The following ATP11C variants were observed in gnomAD, a reference collection of about 807,000 sequenced individuals.
ATP11C encodes phospholipid-transporting ATPase IG.
A neutral mutation model predicts 97.4 loss-of-function variants in ATP11C; 36 were observed. The ratio of observed to expected loss-of-function variants is 0.37; its 90% CI spans 0.28 to 0.49. The LOEUF is 0.49. Ranked by LOEUF, ATP11C falls within the 20% of genes least tolerant of loss-of-function variation. The probability of loss-of-function intolerance (pLI) is 0.98; values close to 1 mark genes in which losing one functional copy is unlikely to be tolerated. For synonymous variants in ATP11C, 275 were observed against 290.9 expected, an observed-to-expected ratio of 0.95 and a Z score of 0.56; for missense variants, 730 against 824.6, an observed-to-expected ratio of 0.89 and a Z score of 1.40.
At chrX:139,843,341 C>G (rs1169387251) in intron 1 of ATP11C, among the ~76,000 whole-genome samples, 1 of 111,819 alleles carries the variant, frequency 8.9e-6, no homozygotes, top group African/African-American at 3.3e-5. Flanking sequence ...AGATATGGCT[C>G]ACTCATTTGA....
intron 1 of ATP11C, among the ~76,000 whole-genome samples, chrX:139,839,225 G>A (rs1260994067): frequency 2.7e-5 from 3 of 111,622 alleles, no homozygotes; most frequent in Non-Finnish European, 5.7e-5. Flanking sequence ...CTAGGGGGAG[G>A]GGAGAATGCA....
chrX:139,807,499 T>C (rs1287311358), intron 5 of ATP11C, among the ~76,000 whole-genome samples: 2 of 111,220 alleles, frequency 1.8e-5, no homozygotes, highest in African/African-American at 3.3e-5. Flanking sequence ...TACCATTCTT[T>C]TACATACAAT....
chrX:139,902,963 A>C (rs769236771), intron 1 of ATP11C, among the ~76,000 whole-genome samples: 1 of 112,152 alleles, frequency 8.9e-6, no homozygotes, highest in Admixed American at 9.5e-5. Context: ...TCTCAGAGCA[A>C]GAGATAACAT....
chrX:139,876,227 G>C (rs1394257663), intron 1 of ATP11C, among the ~76,000 whole-genome samples: 1 of 111,561 alleles, frequency 9.0e-6, no homozygotes, highest in Non-Finnish European at 1.9e-5. Flanking sequence ...AGTGTCCATT[G>C]AAAGAAAATG....
intron 1 of ATP11C, among the ~76,000 whole-genome samples, chrX:139,915,543 G>A (rs187655972): frequency 9.1e-6 from 1 of 110,184 alleles, no homozygotes; most frequent in Admixed American, 9.8e-5. Flanking sequence ...GGTGGTGCAC[G>A]TCTGTAATCC....
chrX:139,918,478 G>T (rs2085192738), intron 1 of ATP11C, among the ~76,000 whole-genome samples: 1 of 105,005 alleles, frequency 9.5e-6, no homozygotes, highest in South Asian at 4.4e-4. Context: ...TGGGCATAGT[G>T]GTGGGTAACT....
chrX:139,871,932 A>G (rs1054001076), intron 1 of ATP11C, among the ~76,000 whole-genome samples: 1 of 111,420 alleles, frequency 9.0e-6, no homozygotes, highest in Non-Finnish European at 1.9e-5. Context: ...GATTACATAC[A>G]ATGTAAATGA....
intron 18 of ATP11C, among the ~76,000 whole-genome samples, chrX:139,778,306 A>G (rs993568208): frequency 2.7e-5 from 3 of 112,106 alleles, no homozygotes; most frequent in African/African-American, 9.7e-5. Flanking sequence ...AGAAATGCTT[A>G]AAGGAGCTCT....
chrX:139,811,594 T>TAC (rs2083177596), intron 5 of ATP11C, among the ~76,000 whole-genome samples: 1 of 109,362 alleles, frequency 9.1e-6, no homozygotes, highest in South Asian at 4.0e-4. Flanking sequence ...TCTCACCCAC[T>TAC]ACATCCTAAA....
chrX:139,904,735 T>C (rs899850733), intron 1 of ATP11C, among the ~76,000 whole-genome samples: 1 of 110,697 alleles, frequency 9.0e-6, no homozygotes, highest in South Asian at 3.8e-4. Flanking sequence ...TTGAACTTAG[T>C]TCTGAAGGAG....
At chrX:139,906,880 C>T (rs2084988572) in intron 1 of ATP11C, among the ~76,000 whole-genome samples, 1 of 111,326 alleles carries the variant, frequency 9.0e-6, no homozygotes. Flanking sequence ...TGGTGTCTTT[C>T]CACGCTAACT....
intron 22 of ATP11C, 90 bp downstream of exon 22, chrX:139,761,871 T>TG: frequency 1.8e-6 from 1 of 560,679 alleles, no homozygotes; most frequent in Non-Finnish European, 2.5e-6. Flanking sequence ...AAAGCAGCAT[T>TG]AAAAAAAAAA....
chrX:139,893,198 C>G (rs377347699), intron 1 of ATP11C, among the ~76,000 whole-genome samples: 1 of 111,295 alleles, frequency 9.0e-6, no homozygotes, highest in East Asian at 2.8e-4. Context: ...GCCACCAAGC[C>G]TGGCTAATTT....
At chrX:139,800,034 A>G in intron 8 of ATP11C, 26 bp downstream of exon 8, 5 of 421,205 alleles carry the variant, frequency 1.2e-5, no homozygotes, top group Non-Finnish European at 1.7e-5. Context: ...CAACCAAAGG[A>G]CAAATTAAAG....
chrX:139,738,122 G>A lies in ATP11C; in HGVS notation c.3135-53C>T. On this transcript the variant is annotated intron_variant, in intron 27 of 29. Transcript: ENST00000682941. ...AAAAACAAATCAATTCCTGTCATAT[G>A]AAATGGACATTTAATTAAAATGTCG... 30 of 981,903 alleles carry A rather than the reference G, an allele frequency of 3.1e-5. No homozygotes were observed. In the South Asian group the frequency reaches 7.5e-4, roughly 25 times the overall value. 80.9% of individuals were successfully genotyped at this position (981,903 alleles called of 1,213,427 possible). A position where few individuals can be genotyped will look rare whatever the true frequency, so the allele number is the denominator to read the frequency against.
intron 1 of ATP11C, among the ~76,000 whole-genome samples, chrX:139,889,191 G>A (rs748756712): frequency 6.4e-4 from 72 of 111,798 alleles, no homozygotes; most frequent in Admixed American, 2.8e-3. Context: ...CTGGTGAATG[G>A]ATACACAAAT....
chrX:139,800,968 A>T (rs1014716472), intron 7 of ATP11C, among the ~76,000 whole-genome samples: 1 of 112,332 alleles, frequency 8.9e-6, no homozygotes, highest in Non-Finnish European at 1.9e-5. Flanking sequence ...TAAGCAAAAA[A>T]GAAATGGCTC....
chrX:139,867,167 C>T (rs1016643548), intron 1 of ATP11C, among the ~76,000 whole-genome samples: 1 of 112,057 alleles, frequency 8.9e-6, no homozygotes. Flanking sequence ...TAAGTGCCTA[C>T]TACATACCTG....
Position 139,854,257 on chromosome X carries a change from A to AG in ATP11C, c.28-27435dup, listed in dbSNP as rs779191691. Among the ~76,000 whole-genome samples the AG allele has an allele frequency of 2.4e-3, 275 of 112,707 alleles. 3 individuals carry two copies. In the Middle Eastern group the frequency reaches 0.042, roughly 17 times the overall value. On this transcript the variant is annotated intron_variant, in intron 1 of 29. Coordinates refer to ENST00000682941, the MANE Select transcript of ATP11C (RefSeq NM_001353812.2). ...ATTCTAAGTTAATTTGGACTAAACA[A>AG]GGTCTTATTAACAGCAAAGGATAAT...
Sources: gnomAD v4.1 joint callset for allele counts (sites outside exome capture counted in the v4.1 genomes callset) on GRCh38, gnomAD v4.1.1 for gene constraint, MANE v1.5 for transcripts, NCBI Gene and HGNC (gene_info 2026-07-23, HGNC 2026-07-21) for gene names.